PARD3B: variants seen among roughly 807,000 people sequenced by gnomAD.
PARD3B encodes the protein partitioning defective 3 homolog B.
In PARD3B, 103 loss-of-function variants were observed where a neutral mutation model predicts 130.2. That is an observed-to-expected ratio of 0.79 (90% CI 0.67 to 0.93). The LOEUF is 0.93. PARD3B is among the 40% of genes least tolerant of loss of function. The pLI, the probability that PARD3B is intolerant of heterozygous loss-of-function variation, is 0.00. For missense variants in PARD3B, 1,609 were observed against 1,499.2 expected (o/e 1.07, Z -1.21); for synonymous variants, 583 against 553.2 (o/e 1.05, Z -0.76).
chr2:205,421,587 A>G lies in PARD3B; in HGVS notation c.2742-18783A>G, dbSNP rs1185748788. ...CTGTGAATGAAAATAGTGCATACCT[A>G]AATACTTCTCTTTAGGTCTCATCAT... On this transcript the variant is annotated intron_variant, in intron 19 of 22. Transcript: ENST00000406610. This position sits in a 1 kb window ranked among gnomAD's most constrained non-coding sequence, Gnocchi z 5.1. 2.0e-5 allele frequency among the ~76,000 whole-genome samples: 3 copies of G among 152,204 alleles called. No individual in the cohort carries two copies. In the East Asian group the frequency reaches 5.8e-4, roughly 29 times the overall value.
chr2:204,787,521 C>T (rs1291836393), intron 2 of PARD3B, among the ~76,000 whole-genome samples: 2 of 152,138 alleles, frequency 1.3e-5, no homozygotes, highest in Admixed American at 6.5e-5. Flanking sequence ...TACTTGATCT[C>T]ACCTCTTAGA....
intron 3 of PARD3B, among the ~76,000 whole-genome samples, chr2:204,991,197 G>C (rs1355630944): frequency 6.6e-6 from 1 of 150,510 alleles, no homozygotes; most frequent in Non-Finnish European, 1.5e-5. Flanking sequence ...TCTAGCATTA[G>C]GTATATCTCC....
chr2:205,237,689 C>T (rs906505691), intron 15 of PARD3B, among the ~76,000 whole-genome samples: 2 of 151,726 alleles, frequency 1.3e-5, no homozygotes, highest in African/African-American at 4.8e-5. Context: ...TGATTAGAGC[C>T]AACAAGCCAA....
intron 2 of PARD3B, among the ~76,000 whole-genome samples, chr2:204,831,149 A>C (rs2043802855): frequency 6.6e-6 from 1 of 152,146 alleles, no homozygotes; most frequent in African/African-American, 2.4e-5. Flanking sequence ...GTTTTCTTAG[A>C]TACTATGTTA....
intron 18 of PARD3B, among the ~76,000 whole-genome samples, chr2:205,368,398 C>T (rs849209): frequency 0.19 from 29,624 of 151,920 alleles, 3,690 homozygotes; most frequent in African/African-American, 0.36. Flanking sequence ...TTTGGGAGGC[C>T]GAGGCAGGTG....
intron 3 of PARD3B, among the ~76,000 whole-genome samples, chr2:205,025,057 C>T (rs1696911844): frequency 6.6e-6 from 1 of 152,116 alleles, no homozygotes; most frequent in Non-Finnish European, 1.5e-5. Context: ...TAACTAGCGG[C>T]ACTAAAAAGG....
At chr2:205,492,704 T>C (rs940831946) in intron 20 of PARD3B, among the ~76,000 whole-genome samples, 1 of 152,148 alleles carries the variant, frequency 6.6e-6, no homozygotes, top group Non-Finnish European at 1.5e-5. Context: ...AATAGAGGAT[T>C]TACACAATCA....
chr2:205,300,161 T>C lies in PARD3B; in HGVS notation c.2186-369T>C, dbSNP rs1216888453. ...GTGAGTATGCATGTGTGTATGTGGGTATTCTCACATATGTGAAATCACTCT... is the reference window on the plus strand; with the variant it reads ...GTGAGTATGCATGTGTGTATGTGGGCATTCTCACATATGTGAAATCACTCT... On this transcript the variant is annotated intron_variant, in intron 16 of 22. Transcript: ENST00000406610. The surrounding 1 kb of genome is among the most constrained non-coding windows in gnomAD (Gnocchi z 4.1). 6.6e-6 allele frequency among the ~76,000 whole-genome samples: 1 copy of C among 152,198 alleles called. No homozygotes were observed. The highest frequency in any genetic ancestry group is 1.5e-5 in the Non-Finnish European group (1 of 68,036).
chr2:205,088,793 T>C (rs1052917782), intron 4 of PARD3B, among the ~76,000 whole-genome samples: 8 of 85,434 alleles, frequency 9.4e-5, no homozygotes, highest in Admixed American at 7.0e-4. Flanking sequence ...GCAACACTTA[T>C]GACTGTCTTT....
intron 11 of PARD3B, among the ~76,000 whole-genome samples, chr2:205,170,755 A>T (rs1051894611): frequency 6.9e-6 from 1 of 145,760 alleles, no homozygotes; most frequent in African/African-American, 2.5e-5. Context: ...TCTATTGTTC[A>T]TTGTGTGTGT....
intron 2 of PARD3B, among the ~76,000 whole-genome samples, chr2:204,779,589 G>A (rs1170665993): frequency 6.6e-6 from 1 of 152,128 alleles, no homozygotes; most frequent in Non-Finnish European, 1.5e-5. Context: ...AACTGAAGAC[G>A]TGTCTGGTAA....
At chr2:204,559,555 T>A (rs562863005) in intron 1 of PARD3B, among the ~76,000 whole-genome samples, 2 of 152,286 alleles carry the variant, frequency 1.3e-5, no homozygotes, top group South Asian at 4.1e-4. Flanking sequence ...CTGGAGAGGA[T>A]GTGGAGAAAT....
intron 2 of PARD3B, among the ~76,000 whole-genome samples, chr2:204,760,538 T>G (rs2040854788): frequency 6.6e-6 from 1 of 152,092 alleles, no homozygotes; most frequent in South Asian, 2.1e-4. Context: ...AGTTTTTCTT[T>G]TAATATATTG....
At chr2:204,817,581 G>A (rs1375391064) in intron 2 of PARD3B, among the ~76,000 whole-genome samples, 1 of 152,080 alleles carries the variant, frequency 6.6e-6, no homozygotes, top group African/African-American at 2.4e-5. Flanking sequence ...CATTCAAGTA[G>A]TTTTCTAATA....
At chr2:205,117,181 A>T (rs1485953773) in intron 6 of PARD3B, among the ~76,000 whole-genome samples, 3 of 152,128 alleles carry the variant, frequency 2.0e-5, no homozygotes, top group Non-Finnish European at 4.4e-5. Flanking sequence ...TAGGGAAAAA[A>T]CCCATAAGTT....
At chr2:205,448,472 G>T (rs2047983689) in intron 20 of PARD3B, among the ~76,000 whole-genome samples, 1 of 151,998 alleles carries the variant, frequency 6.6e-6, no homozygotes, top group Admixed American at 6.6e-5. Context: ...TCCTTTATTG[G>T]TACAATAACT....
At chr2:204,591,247 C>T (rs1396701767) in intron 1 of PARD3B, among the ~76,000 whole-genome samples, 1 of 152,166 alleles carries the variant, frequency 6.6e-6, no homozygotes, top group Non-Finnish European at 1.5e-5. Flanking sequence ...TTTCAGAATG[C>T]ACCAAATGGA....
At chr2:204,891,293 A>G (rs990571485) in intron 2 of PARD3B, among the ~76,000 whole-genome samples, 2 of 151,858 alleles carry the variant, frequency 1.3e-5, no homozygotes, top group African/African-American at 2.4e-5. Flanking sequence ...ACAAGACACT[A>G]TATCAGTAGT....
chr2:204,844,022 A>C (rs974861510), intron 2 of PARD3B, among the ~76,000 whole-genome samples: 1 of 152,148 alleles, frequency 6.6e-6, no homozygotes, highest in Non-Finnish European at 1.5e-5. Context: ...ATTCCATCAG[A>C]TGGATTTAGC....
Sources: gnomAD v4.1 joint callset for allele counts (sites outside exome capture counted in the v4.1 genomes callset) on GRCh38, gnomAD v4.1.1 for gene constraint, Gnocchi (gnomAD v3.1) non-coding constraint, MANE v1.5 for transcripts, NCBI Gene and HGNC (gene_info 2026-07-23, HGNC 2026-07-21) for gene names.